CCSER1: variants seen among roughly 807,000 people sequenced by gnomAD.
The protein encoded by CCSER1 is serine-rich coiled-coil domain-containing protein 1.
A neutral mutation model predicts 82.0 loss-of-function variants in CCSER1; 41 were observed. The observed-to-expected ratio is 0.50, with a 90% CI of 0.39 to 0.65. The LOEUF is 0.65. Ranked by LOEUF, CCSER1 falls within the 30% of genes least tolerant of loss-of-function variation. The pLI is 0.00. For missense variants in CCSER1, 1,119 were observed against 1,064.2 expected (o/e 1.05, Z -0.72); for synonymous variants, 414 against 383.9 (o/e 1.08, Z -0.92).
chr4:90,547,945 A>G (rs1029632145), intron 5 of CCSER1, among the ~76,000 whole-genome samples: 14 of 152,176 alleles, frequency 9.2e-5, no homozygotes, highest in Admixed American at 7.2e-4. Context: ...TATTTGCTAA[A>G]CAAATCTCCA....
intron 10 of CCSER1, among the ~76,000 whole-genome samples, chr4:91,225,242 TTATATACATATACATGTATATAATTA>T: frequency 7.1e-6 from 1 of 140,832 alleles, no homozygotes; most frequent in East Asian, 2.0e-4. Flanking sequence ...ACATGTATAA[TTATATACATATACATGTATATAATTA>T]TATACATTTT....
chr4:90,309,659 A>G, intron 2 of CCSER1, 51 bp downstream of exon 2: 2 of 1,363,292 alleles, frequency 1.5e-6, no homozygotes, highest in Middle Eastern at 2.7e-4. Flanking sequence ...TTTTCATTAT[A>G]CTTTATTCAG....
Position 90,285,592 on chromosome 4 carries a change from A to G in CCSER1, c.-41-22652A>G, listed in dbSNP as rs192474043. On this transcript the variant is annotated intron_variant, in intron 1 of 10. Transcript: ENST00000509176. ...AAGATCATATTATCTGCAATCAAAG[A>G]TAAGTTGACTTCTTCCTTTCCAATA... 1.9e-3 allele frequency among the ~76,000 whole-genome samples: 290 copies of G among 152,196 alleles called. 1 individual carries two copies. Among genetic ancestry groups the G allele is most frequent in the African/African-American group, 6.3e-3 (263 of 41,576 alleles).
At chr4:90,367,781 C>G (rs1032960352) in intron 3 of CCSER1, among the ~76,000 whole-genome samples, 21 of 151,632 alleles carry the variant, frequency 1.4e-4, no homozygotes, top group Non-Finnish European at 2.8e-4. Flanking sequence ...GAGGGAAGTA[C>G]CAGCAATTAA....
chr4:91,026,543 C>T (rs1740507162), intron 9 of CCSER1, among the ~76,000 whole-genome samples: 1 of 152,048 alleles, frequency 6.6e-6, no homozygotes, highest in Non-Finnish European at 1.5e-5. Context: ...TACCAAACTA[C>T]TTTGAAATAT....
intron 6 of CCSER1, among the ~76,000 whole-genome samples, chr4:90,703,608 A>G (rs188364685): frequency 6.5e-4 from 99 of 152,226 alleles, no homozygotes; most frequent in African/African-American, 2.1e-3. Context: ...GTGGGAGTCT[A>G]AGTCTCTTTG....
chr4:91,285,144 C>T (rs886342881), intron 10 of CCSER1, among the ~76,000 whole-genome samples: 45 of 151,806 alleles, frequency 3.0e-4, no homozygotes, highest in African/African-American at 9.9e-4. Flanking sequence ...GTCTCTCTAT[C>T]GTCTACATTT....
intron 5 of CCSER1, among the ~76,000 whole-genome samples, chr4:90,591,553 T>C (rs1372937113): frequency 6.6e-6 from 1 of 152,202 alleles, no homozygotes. Flanking sequence ...GGCGAGGCTG[T>C]GGAGAAATAG....
At chr4:90,871,972 A>G (rs1485400359) in intron 8 of CCSER1, among the ~76,000 whole-genome samples, 1 of 151,782 alleles carries the variant, frequency 6.6e-6, no homozygotes, top group Non-Finnish European at 1.5e-5. Flanking sequence ...TGTCTGATGT[A>G]CATAGAGCTA....
At chr4:90,620,065 GAC>G (rs1722031394) in intron 5 of CCSER1, among the ~76,000 whole-genome samples, 1 of 151,890 alleles carries the variant, frequency 6.6e-6, no homozygotes, top group Admixed American at 6.6e-5. Flanking sequence ...TAAAATTTTG[GAC>G]AAAGTTAAAA....
chr4:91,311,644 T>TA (rs1745487126), intron 10 of CCSER1, among the ~76,000 whole-genome samples: 13 of 151,928 alleles, frequency 8.6e-5, no homozygotes, highest in Non-Finnish European at 1.6e-4. Flanking sequence ...AGTAATTTTT[T>TA]TAAAAATATA....
intron 6 of CCSER1, among the ~76,000 whole-genome samples, chr4:90,653,302 T>C (rs901943435): frequency 1.3e-5 from 2 of 152,136 alleles, no homozygotes; most frequent in East Asian, 3.9e-4. Context: ...TGCATATTTG[T>C]ATATGAGAAA....
At chr4:90,590,294 G>C (rs112041025) in intron 5 of CCSER1, among the ~76,000 whole-genome samples, 2,602 of 151,706 alleles carry the variant, frequency 0.017, 76 homozygotes, top group African/African-American at 0.057. Flanking sequence ...AAATAAAGAA[G>C]ATTGGCCAGG....
chr4:90,608,371 A>C (rs1187127349), intron 5 of CCSER1, among the ~76,000 whole-genome samples: 1 of 152,152 alleles, frequency 6.6e-6, no homozygotes, highest in African/African-American at 2.4e-5. Flanking sequence ...TACCTTTCTG[A>C]TGCTTTACCT....
intron 10 of CCSER1, among the ~76,000 whole-genome samples, chr4:91,150,443 C>T (rs539754984): frequency 6.6e-6 from 1 of 152,220 alleles, no homozygotes; most frequent in Non-Finnish European, 1.5e-5. Context: ...AATTTGACTC[C>T]CTCTTTTCCT....
intron 10 of CCSER1, among the ~76,000 whole-genome samples, chr4:91,204,944 CT>C (rs1460464873): frequency 3.3e-5 from 5 of 151,568 alleles, no homozygotes; most frequent in Non-Finnish European, 7.4e-5. Context: ...AAATGCAGCA[CT>C]TAAAAAGTTA....
intron 10 of CCSER1, among the ~76,000 whole-genome samples, chr4:91,323,719 T>C (rs911868041): frequency 1.3e-5 from 2 of 152,312 alleles, no homozygotes; most frequent in Non-Finnish European, 1.5e-5. Flanking sequence ...AAACTCATTA[T>C]GGTCAGTTTA....
chr4:91,167,391 G>C (rs931554558), intron 10 of CCSER1, among the ~76,000 whole-genome samples: 1 of 151,772 alleles, frequency 6.6e-6, no homozygotes, highest in Non-Finnish European at 1.5e-5. Context: ...TCACCATCTT[G>C]GCCAGGCTGG....
intron 3 of CCSER1, among the ~76,000 whole-genome samples, chr4:90,319,535 C>T (rs1736750450): frequency 6.6e-6 from 1 of 152,078 alleles, no homozygotes; most frequent in Non-Finnish European, 1.5e-5. Flanking sequence ...CCTGTAGTCC[C>T]AGCTACTTGG....
Sources: gnomAD v4.1 joint callset for allele counts (sites outside exome capture counted in the v4.1 genomes callset) on GRCh38, gnomAD v4.1.1 for gene constraint, MANE v1.5 for transcripts, NCBI Gene and HGNC (gene_info 2026-07-23, HGNC 2026-07-21) for gene names.